The following SHANK2 variants were observed in gnomAD, a reference collection of about 807,000 sequenced individuals.
The protein encoded by SHANK2 is SH3 and multiple ankyrin repeat domains protein 2.
A neutral mutation model predicts 133.7 loss-of-function variants in SHANK2; 43 were observed. The observed-to-expected ratio is 0.32, with a 90% CI of 0.25 to 0.41. SHANK2 has a LOEUF of 0.41. SHANK2 is among the 10% of genes least tolerant of loss of function. The pLI is 1.00. For missense variants in SHANK2, 1,994 were observed against 2,235.8 expected, an observed-to-expected ratio of 0.89 and a Z score of 2.18; for synonymous variants, 1,017 against 952.8, an observed-to-expected ratio of 1.07 and a Z score of -1.24.
chr11:70,802,812 T>C (rs1472747815), intron 13 of SHANK2, among the ~76,000 whole-genome samples: 1 of 152,206 alleles, frequency 6.6e-6, no homozygotes, highest in Non-Finnish European at 1.5e-5. Context: ...TGCTATGTCA[T>C]GGGCTTAGTT....
At chr11:71,078,172 T>A (rs1421480752) in intron 8 of SHANK2, among the ~76,000 whole-genome samples, 9 of 142,136 alleles carry the variant, frequency 6.3e-5, no homozygotes, top group African/African-American at 1.3e-4. Flanking sequence ...AAGGAAATGG[T>A]AAAAAAAAAA....
intron 17 of SHANK2, among the ~76,000 whole-genome samples, chr11:70,613,981 T>A (rs1554995206): frequency 6.6e-6 from 1 of 152,058 alleles, no homozygotes; most frequent in African/African-American, 2.4e-5. Flanking sequence ...GCCAAGCTAG[T>A]CTCCAACTCC....
At chr11:70,515,742 G>A (rs2059257589) in intron 17 of SHANK2, among the ~76,000 whole-genome samples, 1 of 151,816 alleles carries the variant, frequency 6.6e-6, no homozygotes, top group African/African-American at 2.4e-5. Flanking sequence ...ATCCCTTGAG[G>A]CTGAGGCTGC....
intron 8 of SHANK2, among the ~76,000 whole-genome samples, chr11:71,085,567 AAT>A (rs1461152537): frequency 4.0e-5 from 3 of 75,508 alleles, no homozygotes; most frequent in African/African-American, 5.3e-5. Context: ...TATTATATAA[AAT>A]ATATATTATA....
intron 17 of SHANK2, among the ~76,000 whole-genome samples, chr11:70,599,971 G>A (rs940118961): frequency 1.2e-4 from 13 of 105,010 alleles, no homozygotes; most frequent in Admixed American, 2.6e-4. Context: ...AAGAAAGAAA[G>A]AAAATGTATC....
At chr11:70,484,894 C>T (rs1555152536) in intron 25 of SHANK2, among the ~76,000 whole-genome samples, 2 of 152,132 alleles carry the variant, frequency 1.3e-5, no homozygotes, top group African/African-American at 4.8e-5. Context: ...CACCGCCCAC[C>T]CACTCGCTGC....
At chr11:71,156,340 TCAAA>T (rs200024800) in intron 2 of SHANK2, among the ~76,000 whole-genome samples, 1,761 of 152,280 alleles carry the variant, frequency 0.012, 34 homozygotes, top group African/African-American at 0.04. Context: ...CTAATCACCA[TCAAA>T]CAAACACTCT....
At chr11:71,220,871 A>T (rs567517665) in intron 2 of SHANK2, among the ~76,000 whole-genome samples, 2 of 152,242 alleles carry the variant, frequency 1.3e-5, no homozygotes, top group South Asian at 4.1e-4. Flanking sequence ...CAGCCACATA[A>T]ATGTGCTTAA....
At chr11:70,549,194 G>T (rs1554977210) in intron 17 of SHANK2, among the ~76,000 whole-genome samples, 1 of 152,200 alleles carries the variant, frequency 6.6e-6, no homozygotes, top group African/African-American at 2.4e-5. Context: ...CTGAGACCAT[G>T]GTCCGACTTA....
At chr11:70,498,224 A>G (rs2058999993) in intron 21 of SHANK2, among the ~76,000 whole-genome samples, 1 of 152,352 alleles carries the variant, frequency 6.6e-6, no homozygotes, top group South Asian at 2.1e-4. Context: ...TGGGTGAGAG[A>G]GTACAAATGT....
intron 15 of SHANK2, chr11:70,662,318 C>T (rs1944571331): frequency 6.0e-6 from 1 of 167,986 alleles, no homozygotes; most frequent in Admixed American, 5.8e-5. Flanking sequence ...CGGTGTGCGG[C>T]AGGCAGGAGC....
chr11:70,586,804 G>GA (rs2060260047), intron 17 of SHANK2, among the ~76,000 whole-genome samples: 2 of 152,232 alleles, frequency 1.3e-5, no homozygotes, highest in Admixed American at 1.3e-4. Context: ...CCGGAACGGG[G>GA]AAGGACACCA....
chr11:70,617,397 G>T (rs554184042), intron 17 of SHANK2, among the ~76,000 whole-genome samples: 1 of 152,182 alleles, frequency 6.6e-6, no homozygotes. Context: ...CTCAGTCATG[G>T]ATGGAATGTG....
At chr11:71,146,963 G>T (rs543117432) in intron 3 of SHANK2, among the ~76,000 whole-genome samples, 157 bp downstream of exon 3, 60 of 152,260 alleles carry the variant, frequency 3.9e-4, no homozygotes, top group African/African-American at 1.3e-3. Flanking sequence ...CAGGGAGCCT[G>T]GGGGGACGGG....
chr11:70,949,884 A>G (rs918241970), intron 10 of SHANK2, among the ~76,000 whole-genome samples: 13 of 152,306 alleles, frequency 8.5e-5, no homozygotes, highest in Admixed American at 8.5e-4. Context: ...CTCTATGCCA[A>G]AACACCTGAG....
Position 70,658,854 on chromosome 11 carries a change from C to A in SHANK2, c.2061+974G>T, listed in dbSNP as rs1356678736. On this transcript the variant is annotated intron_variant, in intron 17 of 25. Coordinates refer to ENST00000601538, the MANE Select transcript of SHANK2 (RefSeq NM_012309.5). The stretch of plus-strand genomic sequence containing the variant: ...GACCACCAAATGGCTGGCTGGATGC[C>A]ACGTACCCACCCCTTCCACCTGCAT... 5.3e-5 allele frequency among the ~76,000 whole-genome samples: 8 copies of A among 152,338 alleles called. No homozygotes were observed. The East Asian group carries it at 1.5e-3, about 29-fold the overall frequency.
intron 10 of SHANK2, among the ~76,000 whole-genome samples, chr11:70,914,155 C>G (rs1189748059): frequency 2.6e-5 from 4 of 152,122 alleles, no homozygotes; most frequent in Admixed American, 6.5e-5. Context: ...GTTACAGGGC[C>G]CTGAGAAGGC....
In SHANK2 at chr11:70,569,220, C is replaced by T. The variant is rs539330166; in HGVS notation, c.2062-66289G>A. On this transcript the variant is annotated intron_variant, in intron 17 of 25. Coordinates refer to ENST00000601538, the MANE Select transcript of SHANK2 (RefSeq NM_012309.5). This position sits in a 1 kb window ranked among gnomAD's most constrained non-coding sequence, Gnocchi z 5.1. ...CGGACTGAGGACAGTCCCAAACCCC[C>T]GGGCCATCCCGAGCCTAAGTGTGTA... Among the ~76,000 whole-genome samples the T allele has an allele frequency of 1.3e-4, 20 of 152,316 alleles. No individual in the cohort carries two copies. The South Asian group carries it at 2.5e-3, about 19-fold the overall frequency.
chr11:70,721,194 G>A (rs1029912274), intron 14 of SHANK2, among the ~76,000 whole-genome samples: 9 of 152,178 alleles, frequency 5.9e-5, no homozygotes, highest in African/African-American at 1.4e-4. Flanking sequence ...GCTCCTTCCC[G>A]AAAGAGGCAA....
Sources: allele counts gnomAD v4.1 joint callset (sites outside exome capture counted in the v4.1 genomes callset), GRCh38; gene constraint gnomAD v4.1.1; non-coding constraint Gnocchi (gnomAD v3.1); transcripts MANE v1.5; gene names NCBI Gene and HGNC (gene_info 2026-07-23, HGNC 2026-07-21).